Variants in NLRC5 observed in about 807,000 individuals in gnomAD.
NLRC5 encodes the protein NLR family CARD domain containing 5.
In NLRC5, 114 loss-of-function variants were observed where a neutral mutation model predicts 206.9. That is an observed-to-expected ratio of 0.55 (90% CI 0.47 to 0.64). NLRC5 has a LOEUF of 0.64. Ranked by LOEUF, NLRC5 falls within the 30% of genes least tolerant of loss-of-function variation. The pLI is 0.00. For missense variants in NLRC5, 2,008 were observed against 2,305.5 expected, an observed-to-expected ratio of 0.87 and a Z score of 2.64; for synonymous variants, 952 against 962.8, an observed-to-expected ratio of 0.99 and a Z score of 0.21.
At position 57,077,822 on chromosome 16, in the gene NLRC5, G is replaced by A. The variant is rs2068592960; in HGVS notation, c.5003+20G>A. The stretch of plus-strand genomic sequence containing the variant: ...GTTGATGTGAGTGTCTGCCCAGGTG[G>A]CCTCTGCCCTCTGTGCCCCCCAGGT... On this transcript the variant is annotated intron_variant, in intron 42 of 48. Transcript: ENST00000688547. 2 of 1,589,852 alleles carry A rather than the reference G, an allele frequency of 1.3e-6. No homozygotes were observed. The highest frequency in any genetic ancestry group is 1.7e-6 in the Non-Finnish European group (2 of 1,166,210).
rs537660361 is a variant in NLRC5, at chr16:57,057,151, T to C, written c.3747-914T>C. On this transcript the variant is annotated intron_variant, in intron 27 of 48. Coordinates refer to ENST00000688547, the MANE Select transcript of NLRC5 (RefSeq NM_001384950.1). ...TGTAGTTAAAACTAGCTGGGCGTGG[T>C]GGCTCACGCCTGTAATCCCAGCACT... is the stretch of plus-strand genomic sequence containing the variant. Among the ~76,000 whole-genome samples, 25 of 152,256 alleles carry C rather than the reference T, an allele frequency of 1.6e-4. 1 individual carries two copies. Among genetic ancestry groups the C allele is most frequent in the Admixed American group, 6.5e-4 (10 of 15,286 alleles).
In NLRC5 at chr16:57,061,535, A is replaced by G. The variant is rs1318241314; in HGVS notation, c.4070+4A>G. 1.2e-6 allele frequency: 2 copies of G among 1,609,480 alleles called. No individual in the cohort carries two copies. Among genetic ancestry groups the G allele is most frequent in the Non-Finnish European group, 1.7e-6 (2 of 1,179,978 alleles). On this transcript the variant is annotated splice_donor_region_variant and intron_variant, in intron 31 of 48. Transcript: ENST00000688547. Reference sequence around the variant, plus strand: ...CCCTGCAGCTGACGGAGCTCACGTGAGTGACCCACCCAGCCCGTGAGGACA... The same window carrying G: ...CCCTGCAGCTGACGGAGCTCACGTGGGTGACCCACCCAGCCCGTGAGGACA...
At chr16:57,050,153 G>A (rs2064676346) in intron 23 of NLRC5, among the ~76,000 whole-genome samples, 1 of 151,190 alleles carries the variant, frequency 6.6e-6, no homozygotes, top group Non-Finnish European at 1.5e-5. Flanking sequence ...GCCAACCAGA[G>A]CCCATGGTGT....
intron 41 of NLRC5, 117 bp downstream of exon 41, chr16:57,077,496 A>G (rs1792360642): frequency 9.4e-7 from 1 of 1,068,312 alleles, no homozygotes; most frequent in African/African-American, 1.6e-5. Context: ...CTCAGTGTCC[A>G]GGCAGTGGGG....
At chr16:57,077,176 G>A (rs1438808964) in intron 40 of NLRC5, 120 bp from the exon 41 acceptor site, 2 of 860,756 alleles carry the variant, frequency 2.3e-6, no homozygotes, top group Non-Finnish European at 3.8e-6. Flanking sequence ...ATGGGGTGAT[G>A]GGGCTCTCTG....
At chr16:56,990,405 G>C (rs17290922) in intron 1 of NLRC5, among the ~76,000 whole-genome samples, 14,767 of 152,160 alleles carry the variant, frequency 0.097, 806 homozygotes, top group Non-Finnish European at 0.12. Flanking sequence ...TATTTCTAAG[G>C]AACATTTAAC....
In NLRC5 at chr16:57,028,049, C is replaced by T. The variant is rs761269605; in HGVS notation, c.2076-23C>T. The T allele has an allele frequency of 1.6e-5, 26 of 1,590,498 alleles. No individual in the cohort carries two copies. In the South Asian group the frequency reaches 2.5e-4, roughly 15 times the overall value. On this transcript the variant is annotated intron_variant, in intron 6 of 48. Transcript: ENST00000688547. Reference sequence around the variant, plus strand: ...GCTCTGCCCAGCACTGATCCTCTGACACTTCGCTTCTTCTTATGGCAGCTT... The same window carrying T: ...GCTCTGCCCAGCACTGATCCTCTGATACTTCGCTTCTTCTTATGGCAGCTT...
intron 23 of NLRC5, among the ~76,000 whole-genome samples, chr16:57,049,485 C>T (rs1169577716): frequency 1.3e-5 from 2 of 151,750 alleles, no homozygotes; most frequent in Non-Finnish European, 2.9e-5. Context: ...CGCCTATAAT[C>T]CCAGCACTTT....
At position 57,059,281 on chromosome 16, in the gene NLRC5, G is replaced by A. The variant is rs983498055; in HGVS notation, c.3921-186G>A. The stretch of plus-strand genomic sequence containing the variant: ...ATGGGGACCATGGAGGCCATGGGGT[G>A]GGAAGGCCAGGTATTGCCATGCTCA... On this transcript the variant is annotated intron_variant, in intron 29 of 48. Coordinates refer to ENST00000688547, the MANE Select transcript of NLRC5 (RefSeq NM_001384950.1). 6 of 1,462,480 alleles carry A rather than the reference G, an allele frequency of 4.1e-6. No homozygotes were observed. In the African/African-American group the frequency reaches 7.1e-5, roughly 17 times the overall value. 90.6% of individuals were successfully genotyped at this position (1,462,480 alleles called of 1,614,324 possible).
chr16:57,040,216 G>C (rs879792548), intron 16 of NLRC5, among the ~76,000 whole-genome samples: 7 of 152,144 alleles, frequency 4.6e-5, no homozygotes, highest in Non-Finnish European at 7.4e-5. Flanking sequence ...TTTCACACAA[G>C]GACCCATTAG....
chr16:57,058,373 G>A, intron 28 of NLRC5: 2 of 551,750 alleles, frequency 3.6e-6, no homozygotes, highest in South Asian at 2.2e-5. Context: ...ACCCAAGAGA[G>A]GCTGTGATTC....
rs1347108639 is a variant in NLRC5 at position 57,025,267 on chromosome 16, A to G, written c.425-101A>G. On this transcript the variant is annotated intron_variant, in intron 5 of 48. Transcript: ENST00000688547. ...CACCCTCACCCCATCATACATACAC[A>G]TCTGGGGCTACAGGCTCCCAACAGC... is the stretch of plus-strand genomic sequence containing the variant. 5 of 1,481,864 alleles carry G rather than the reference A, an allele frequency of 3.4e-6. No homozygotes were observed. In the African/African-American group the frequency reaches 7.0e-5, roughly 21 times the overall value. 91.8% of individuals were successfully genotyped at this position (1,481,864 alleles called of 1,614,324 possible). A position where few individuals can be genotyped will look rare whatever the true frequency, so the allele number is the denominator to read the frequency against.
At chr16:57,076,109 T>C in intron 39 of NLRC5, 1 of 166,534 alleles carries the variant, frequency 6.0e-6, no homozygotes, top group South Asian at 1.0e-4. Context: ...ACAAATGGGG[T>C]TTCACCATGT....
At chr16:57,076,702 A>T in intron 39 of NLRC5, 117 bp from the exon 40 acceptor site, 1 of 915,718 alleles carries the variant, frequency 1.1e-6, no homozygotes, top group Non-Finnish European at 1.8e-6. Flanking sequence ...AAGTTTTGCT[A>T]CCAGCATATG....
chr16:57,053,560 G>A lies in NLRC5; in HGVS notation c.3507-1191G>A, dbSNP rs369395804. 8.2e-4 allele frequency among the ~76,000 whole-genome samples: 125 copies of A among 152,118 alleles called. 1 individual carries two copies. In the South Asian group the frequency reaches 0.022, roughly 27 times the overall value. ...TTTCTTTTTTGTGGGGGAGGGTCTC[G>A]CTCTGTCACACAGGCTGGAGTGCAA... On this transcript the variant is annotated intron_variant, in intron 24 of 48. Coordinates refer to ENST00000688547, the MANE Select transcript of NLRC5 (RefSeq NM_001384950.1).
chr16:57,051,900 T>C (rs1046570120), intron 24 of NLRC5, among the ~76,000 whole-genome samples: 2 of 152,132 alleles, frequency 1.3e-5, no homozygotes, highest in Non-Finnish European at 2.9e-5. Context: ...ACAAATGGGA[T>C]TAATATTCCC....
intron 1 of NLRC5, chr16:56,992,205 G>T (rs1436302764): frequency 6.6e-6 from 1 of 152,188 alleles, no homozygotes; most frequent in Non-Finnish European, 1.5e-5. Context: ...CTCAGACTCT[G>T]ACCTCCAGAA....
intron 17 of NLRC5, 53 bp from the exon 18 acceptor site, chr16:57,041,431 CT>C: frequency 5.9e-6 from 9 of 1,520,110 alleles, no homozygotes; most frequent in Non-Finnish European, 8.2e-6. Context: ...AAAGCGGCTC[CT>C]TCCCGCCTCT....
intron 1 of NLRC5, among the ~76,000 whole-genome samples, chr16:57,009,030 C>T (rs1484495873): frequency 3.9e-5 from 6 of 152,124 alleles, no homozygotes; most frequent in African/African-American, 7.2e-5. Context: ...CGGTGGCTCA[C>T]GCCTGTAATC....
Sources: gnomAD v4.1 joint callset for allele counts (sites outside exome capture counted in the v4.1 genomes callset) on GRCh38, gnomAD v4.1.1 for gene constraint, MANE v1.5 for transcripts, NCBI Gene and HGNC (gene_info 2026-07-23, HGNC 2026-07-21) for gene names.